PICALM: variants seen among roughly 807,000 people sequenced by gnomAD.
PICALM encodes the protein phosphatidylinositol-binding clathrin assembly protein.
Under a neutral mutation model 80.5 loss-of-function variants are expected in PICALM, and 40 were observed. The ratio of observed to expected loss-of-function variants is 0.50; its 90% confidence interval spans 0.39 to 0.65. PICALM has a LOEUF of 0.65. PICALM is among the 30% of genes least tolerant of loss of function. PICALM has a pLI of 0.00. For missense variants in PICALM, 676 were observed against 778.9 expected (o/e 0.87, Z 1.57); for synonymous variants, 288 against 260.3 (o/e 1.11, Z -1.02).
At chr11:86,060,717 C>T (rs2096346350) in intron 1 of PICALM, among the ~76,000 whole-genome samples, 1 of 136,986 alleles carries the variant, frequency 7.3e-6, no homozygotes, top group Non-Finnish European at 1.6e-5. Context: ...TAGTACTGCA[C>T]AACTAGATAT....
intron 4 of PICALM, 30 bp downstream of exon 4, chr11:86,022,337 C>T (rs1343165340): frequency 2.6e-6 from 3 of 1,147,258 alleles, no homozygotes; most frequent in East Asian, 2.4e-5. Flanking sequence ...AAATTCAAAT[C>T]AATTAGATGT....
chr11:86,065,329 A>C (rs1197567945), intron 1 of PICALM, among the ~76,000 whole-genome samples: 2 of 151,968 alleles, frequency 1.3e-5, no homozygotes, highest in Non-Finnish European at 2.9e-5. Flanking sequence ...GCCTGTAGTC[A>C]CAGCTACTCA....
chr11:85,991,842 G>T (rs2094789543), intron 12 of PICALM, among the ~76,000 whole-genome samples: 1 of 152,116 alleles, frequency 6.6e-6, no homozygotes, highest in African/African-American at 2.4e-5. Flanking sequence ...AGTTGCAGGG[G>T]GGCACGGTGG....
chr11:85,989,008 C>T (rs1259041134), intron 13 of PICALM, among the ~76,000 whole-genome samples: 4 of 152,174 alleles, frequency 2.6e-5, no homozygotes, highest in East Asian at 1.9e-4. Flanking sequence ...GTTAAGACCA[C>T]GACTCTCCTT....
intron 2 of PICALM, 127 bp from the exon 3 acceptor site, chr11:86,026,494 C>T: frequency 1.7e-6 from 1 of 592,526 alleles, no homozygotes; most frequent in Non-Finnish European, 3.0e-6. Context: ...CTCATCCTCA[C>T]TCTTTCCATT....
chr11:85,962,575 C>A (rs1345993144), intron 19 of PICALM, among the ~76,000 whole-genome samples: 1 of 152,104 alleles, frequency 6.6e-6, no homozygotes, highest in Non-Finnish European at 1.5e-5. Context: ...CTAGACAAGT[C>A]CTAGAGGCTT....
intron 11 of PICALM, among the ~76,000 whole-genome samples, chr11:85,999,233 T>C (rs1009978802): frequency 3.9e-5 from 6 of 152,230 alleles, no homozygotes; most frequent in Admixed American, 2.6e-4. Flanking sequence ...GTCTTTTAGA[T>C]GTACAATAGT....
At chr11:86,017,747 T>G (rs2095502896) in intron 4 of PICALM, among the ~76,000 whole-genome samples, 1 of 152,182 alleles carries the variant, frequency 6.6e-6, no homozygotes, top group Non-Finnish European at 1.5e-5. Context: ...TAGTTAACAG[T>G]TTGTGTGCCA....
chr11:86,031,613 T>G lies in PICALM; in HGVS notation c.131-2A>C. The G allele has an allele frequency of 6.3e-7, 1 of 1,592,784 alleles. No individual in the cohort carries two copies. The highest frequency in any genetic ancestry group is 8.5e-7 in the Non-Finnish European group (1 of 1,173,244). The stretch of plus-strand genomic sequence containing the variant: ...TCTCATTTGTGCACTGAATTAAGTC[T>G]GCAATAAAAAATTTTTAAATGATTA... On this transcript the variant is annotated splice_acceptor_variant, in intron 1 of 19. Transcript: ENST00000393346. LOFTEE classifies it high-confidence loss of function.
intron 1 of PICALM, among the ~76,000 whole-genome samples, chr11:86,053,811 G>A (rs2137424716): frequency 6.6e-6 from 1 of 152,150 alleles, no homozygotes. Context: ...CAAGCAATCT[G>A]CCCACCTCGG....
intron 13 of PICALM, among the ~76,000 whole-genome samples, chr11:85,986,365 ATTTTTTTTTTTTTTTTTTTTT>A (rs775072780): frequency 6.8e-5 from 5 of 73,750 alleles, no homozygotes; most frequent in Admixed American, 1.9e-4. Flanking sequence ...CCAACTTTTA[ATTTTTTTTTTTTTTTTTTTTT>A]TTTTTTTTTT....
intron 8 of PICALM, among the ~76,000 whole-genome samples, chr11:86,005,525 G>A (rs2095257565): frequency 6.6e-6 from 1 of 152,028 alleles, no homozygotes. Flanking sequence ...GGAATATAGG[G>A]AGACCCTGTC....
chr11:86,069,117 T>C (rs1434590302), upstream of PICALM: 2 of 271,278 alleles, frequency 7.4e-6, no homozygotes, highest in Admixed American at 1.0e-4. Flanking sequence ...CTTTCCGGGC[T>C]GCCCCGGGTC....
At chr11:86,065,346 T>C (rs1169912312) in intron 1 of PICALM, among the ~76,000 whole-genome samples, 1 of 151,696 alleles carries the variant, frequency 6.6e-6, no homozygotes, top group African/African-American at 2.4e-5. Context: ...CTCAAGAGGC[T>C]GAGGCAGAAT....
intron 17 of PICALM, among the ~76,000 whole-genome samples, chr11:85,980,054 A>G (rs1350807948): frequency 2.0e-5 from 3 of 152,236 alleles, no homozygotes; most frequent in African/African-American, 4.8e-5. Context: ...CATGGATTCC[A>G]TATTTGCAAA....
chr11:86,001,253 GC>G, intron 9 of PICALM, 95 bp from the exon 10 acceptor site: 1 of 1,122,862 alleles, frequency 8.9e-7, no homozygotes, highest in South Asian at 1.5e-5. Flanking sequence ...CCATGGATAG[GC>G]ACTATAATTA....
chr11:85,972,288 C>A (rs1409636590), intron 19 of PICALM, among the ~76,000 whole-genome samples: 1 of 152,184 alleles, frequency 6.6e-6, no homozygotes, highest in Non-Finnish European at 1.5e-5. Context: ...AGTGTGCAGA[C>A]TGTTCACTGC....
chr11:86,035,506 T>C (rs2095825550), intron 1 of PICALM, among the ~76,000 whole-genome samples: 1 of 152,216 alleles, frequency 6.6e-6, no homozygotes, highest in Admixed American at 6.5e-5. Context: ...TAAATCAACA[T>C]ACCACAATCA....
rs140266798 is a variant in PICALM, at chr11:86,031,523, C to G, written c.219G>C (p.Val73=). 1 of 1,610,538 alleles carries G rather than the reference C, an allele frequency of 6.2e-7. No homozygotes were observed. The highest frequency in any genetic ancestry group is 8.5e-7 in the Non-Finnish European group (1 of 1,177,294). ...TTGTAATGAGAGATTTGAAGACCAC[C>G]ACCCAACTACTATTAGTAGTTCTTT... The part of the protein sequence containing the change: ...LFERTTNSSW[V]VVFKSLITTH... Residue 73 remains valine (V), a synonymous_variant, in exon 2 of 20, where the codon GTG becomes GTC. Transcript: ENST00000393346.
Sources: gnomAD v4.1 joint callset for allele counts (sites outside exome capture counted in the v4.1 genomes callset) on GRCh38, gnomAD v4.1.1 for gene constraint, MANE v1.5 for transcripts, NCBI Gene and HGNC (gene_info 2026-07-23, HGNC 2026-07-21) for gene names.